The following PSMG2 variants were observed in gnomAD, a reference collection of about 807,000 sequenced individuals.
PSMG2 encodes proteasome assembly chaperone 2, also known as CD40 ligand-activated specific transcript 3.
Under a neutral mutation model 31.5 loss-of-function variants are expected in PSMG2, and 21 were observed. That is an observed-to-expected ratio of 0.67 (90% confidence interval 0.47 to 0.96). PSMG2 has a LOEUF of 0.96. PSMG2 is among the 40% of genes least tolerant of loss of function. PSMG2 has a pLI of 0.00. For missense variants in PSMG2, 318 were observed against 321.2 expected, an observed-to-expected ratio of 0.99 and a Z score of 0.08; for synonymous variants, 120 against 110.4, an observed-to-expected ratio of 1.09 and a Z score of -0.54.
At chr18:12,691,745 T>G (rs2039771836) in intron 1 of PSMG2, among the ~76,000 whole-genome samples, 1 of 151,298 alleles carries the variant, frequency 6.6e-6, no homozygotes, top group Non-Finnish European at 1.5e-5. Context: ...GGATGCAGTC[T>G]TGCTCTGTCG....
At chr18:12,678,429 G>A in intron 1 of PSMG2, 1 of 1,594,088 alleles carries the variant, frequency 6.3e-7, no homozygotes, top group Non-Finnish European at 8.6e-7. Flanking sequence ...GGATTGGTAG[G>A]TTTATGGATG....
At chr18:12,722,877 C>G (rs915266951) in intron 5 of PSMG2, among the ~76,000 whole-genome samples, 1 of 152,192 alleles carries the variant, frequency 6.6e-6, no homozygotes, top group African/African-American at 2.4e-5. Flanking sequence ...CTTGAAAATG[C>G]AAGCACAGCC....
chr18:12,718,582 C>T lies in PSMG2; in HGVS notation c.354C>T (p.Val118=). 1 of 1,612,434 alleles carries T rather than the reference C, an allele frequency of 6.2e-7. No homozygotes were observed. Among genetic ancestry groups the T allele is most frequent in the South Asian group, 1.1e-5 (1 of 90,826 alleles). The change falls in exon 4 of 7, where the codon GTC becomes GTT. Residue 118 remains valine (V), a synonymous_variant. Coordinates refer to ENST00000317615, the MANE Select transcript of PSMG2 (RefSeq NM_020232.5). The stretch of plus-strand genomic sequence containing the variant: ...TGAAAAGCAGTGGCTGTGCCAGAGT[C>T]ATTGTTCTTTCAAGCAGTCATTCAT... ...SWVKSSGCAR[V]IVLSSSHSYQ...
intron 1 of PSMG2, among the ~76,000 whole-genome samples, chr18:12,660,954 CT>C (rs774160073): frequency 2.0e-5 from 3 of 152,274 alleles, no homozygotes; most frequent in Admixed American, 1.3e-4. Flanking sequence ...ACACTTGACT[CT>C]TTTTTGTATA....
intron 1 of PSMG2, chr18:12,678,319 G>A: frequency 6.2e-7 from 1 of 1,614,138 alleles, no homozygotes; most frequent in Non-Finnish European, 8.5e-7. Context: ...CTGCATCAGA[G>A]GGTTGACAAT....
intron 1 of PSMG2, among the ~76,000 whole-genome samples, chr18:12,680,285 C>T (rs1238193708): frequency 6.6e-6 from 1 of 152,008 alleles, no homozygotes; most frequent in Non-Finnish European, 1.5e-5. Context: ...GGACAAAAAA[C>T]CCTTATAATT....
intron 1 of PSMG2, among the ~76,000 whole-genome samples, chr18:12,687,982 G>A (rs1322694638): frequency 1.3e-5 from 2 of 151,930 alleles, no homozygotes; most frequent in South Asian, 2.1e-4. Context: ...GGTGGCTCAC[G>A]CCTGTAATCC....
chr18:12,679,110 A>T (rs577024671), intron 1 of PSMG2: 3 of 152,216 alleles, frequency 2.0e-5, no homozygotes, highest in African/African-American at 4.8e-5. Flanking sequence ...CCTCTAGAAC[A>T]CACACATTTA....
At chr18:12,712,857 C>T in intron 3 of PSMG2, 97 bp downstream of exon 3, 1 of 894,030 alleles carries the variant, frequency 1.1e-6, no homozygotes, top group Non-Finnish European at 1.8e-6. Context: ...CTGTTTTTAC[C>T]ATATGTACAG....
At chr18:12,689,638 T>C (rs75825321) in intron 1 of PSMG2, among the ~76,000 whole-genome samples, 8,565 of 152,238 alleles carry the variant, frequency 0.056, 350 homozygotes, top group Non-Finnish European at 0.083. Flanking sequence ...TTTCAACTTC[T>C]TCCTCCTCTT....
chr18:12,670,895 T>G (rs1202034166), intron 1 of PSMG2: 3 of 151,920 alleles, frequency 2.0e-5, no homozygotes, highest in Non-Finnish European at 4.4e-5. Context: ...GAGATTCTCC[T>G]GCCTCAGCCT....
chr18:12,680,690 T>C, intron 1 of PSMG2: 2 of 1,612,670 alleles, frequency 1.2e-6, no homozygotes, highest in Non-Finnish European at 1.7e-6. Flanking sequence ...TCCCAAAAAG[T>C]GATGGCCCCA....
At chr18:12,662,903 C>T (rs2038725714) in intron 1 of PSMG2, among the ~76,000 whole-genome samples, 1 of 152,180 alleles carries the variant, frequency 6.6e-6, no homozygotes. Context: ...TCACGTTTCA[C>T]CTACTTAATG....
chr18:12,683,699 C>T (rs750315422), intron 1 of PSMG2, among the ~76,000 whole-genome samples: 6 of 151,088 alleles, frequency 4.0e-5, no homozygotes, highest in African/African-American at 7.3e-5. Context: ...TGCAGTGGGC[C>T]GAGATCATGC....
chr18:12,721,212 G>A (rs554784008), intron 5 of PSMG2, among the ~76,000 whole-genome samples: 6 of 152,144 alleles, frequency 3.9e-5, no homozygotes, highest in African/African-American at 1.4e-4. Flanking sequence ...TACAAAACTG[G>A]TACTATTGTA....
chr18:12,718,761 G>A (rs75162555), intron 4 of PSMG2, 126 bp downstream of exon 4: 4 of 607,978 alleles, frequency 6.6e-6, no homozygotes, highest in African/African-American at 1.8e-5. Flanking sequence ...TAGAAAGAGG[G>A]GGGTAAGAGA....
intron 1 of PSMG2, among the ~76,000 whole-genome samples, chr18:12,681,153 G>A (rs143957088): frequency 7.2e-4 from 108 of 149,032 alleles, no homozygotes; most frequent in Non-Finnish European, 1.4e-3. Flanking sequence ...AGCTACAATC[G>A]CGCCACTGCA....
intron 5 of PSMG2, 131 bp from the exon 6 acceptor site, chr18:12,724,368 A>G: frequency 1.1e-6 from 1 of 900,718 alleles, no homozygotes; most frequent in Non-Finnish European, 1.6e-6. Context: ...GGAGATGATA[A>G]GTGATCTTAT....
At chr18:12,715,541 T>C (rs2040368463) in intron 3 of PSMG2, among the ~76,000 whole-genome samples, 1 of 152,166 alleles carries the variant, frequency 6.6e-6, no homozygotes, top group African/African-American at 2.4e-5. Context: ...GTCTTGCTCT[T>C]GTCGCCCAGG....
Sources: allele counts gnomAD v4.1 joint callset (sites outside exome capture counted in the v4.1 genomes callset), GRCh38; gene constraint gnomAD v4.1.1; transcripts MANE v1.5; gene names NCBI Gene and HGNC (gene_info 2026-07-23, HGNC 2026-07-21).